MPPED2: variants seen among roughly 807,000 people sequenced by gnomAD.
MPPED2 encodes the protein metallophosphoesterase domain containing 2.
A neutral mutation model predicts 33.0 loss-of-function variants in MPPED2; 5 were observed. The observed-to-expected ratio is 0.15, with a 90% CI of 0.08 to 0.32. The LOEUF (loss-of-function observed/expected upper bound fraction) is 0.32. Among genes scored for constraint, MPPED2 ranks in the 10% least tolerant of loss-of-function variants. The pLI, the probability that MPPED2 is intolerant of heterozygous loss-of-function variation, is 1.00. For synonymous variants in MPPED2, 136 were observed against 141.9 expected (o/e 0.96, Z 0.29); for missense variants, 275 against 372.1 (o/e 0.74, Z 2.15).
intron 1 of MPPED2, among the ~76,000 whole-genome samples, chr11:30,585,563 A>C (rs2134981033): frequency 6.6e-6 from 1 of 152,126 alleles, no homozygotes; most frequent in African/African-American, 2.4e-5. Flanking sequence ...TCTAGTAAAC[A>C]GCTCGCTGAG....
intron 4 of MPPED2, among the ~76,000 whole-genome samples, chr11:30,486,823 T>C (rs1951763971): frequency 6.6e-6 from 1 of 152,236 alleles, no homozygotes; most frequent in South Asian, 2.1e-4. Flanking sequence ...GGACATCATT[T>C]AGGGCTTTGC....
chr11:30,486,285 A>C (rs1203211091), intron 4 of MPPED2, among the ~76,000 whole-genome samples: 2 of 152,198 alleles, frequency 1.3e-5, no homozygotes, highest in Non-Finnish European at 2.9e-5. Context: ...GACCTGGAGA[A>C]GTTCACTCTT....
At chr11:30,568,371 T>C (rs887320550) in intron 2 of MPPED2, among the ~76,000 whole-genome samples, 5 of 152,194 alleles carry the variant, frequency 3.3e-5, no homozygotes, top group African/African-American at 9.7e-5. Flanking sequence ...ACCTTCATTC[T>C]TTCCCTCTCT....
At chr11:30,580,893 G>A (rs926434893) in intron 1 of MPPED2, among the ~76,000 whole-genome samples, 19 of 152,166 alleles carry the variant, frequency 1.2e-4, no homozygotes, top group African/African-American at 3.1e-4. Flanking sequence ...TTGGTGTCAC[G>A]TAATCATTTG....
intron 4 of MPPED2, among the ~76,000 whole-genome samples, chr11:30,491,367 T>G (rs572254664): frequency 1.3e-5 from 2 of 152,230 alleles, no homozygotes; most frequent in South Asian, 4.2e-4. Context: ...AATGAAGAAG[T>G]TAAGGGACTT....
intron 4 of MPPED2, among the ~76,000 whole-genome samples, chr11:30,461,603 G>A (rs1285916841): frequency 6.6e-6 from 1 of 152,064 alleles, no homozygotes; most frequent in African/African-American, 2.4e-5. Context: ...TGTCAGGCCT[G>A]TTGCAGGATA....
chr11:30,506,747 C>T (rs1280460252), intron 3 of MPPED2, among the ~76,000 whole-genome samples: 1 of 152,146 alleles, frequency 6.6e-6, no homozygotes, highest in African/African-American at 2.4e-5. Flanking sequence ...TTTTAAATTC[C>T]TCCCCTCCTT....
chr11:30,404,366 G>A (rs1947956196), intron 6 of MPPED2, among the ~76,000 whole-genome samples: 1 of 152,228 alleles, frequency 6.6e-6, no homozygotes, highest in African/African-American at 2.4e-5. Flanking sequence ...GATGGATGGA[G>A]ACATTATGGT....
At chr11:30,443,561 G>T (rs1290115311) in intron 4 of MPPED2, among the ~76,000 whole-genome samples, 2 of 152,104 alleles carry the variant, frequency 1.3e-5, no homozygotes, top group Non-Finnish European at 2.9e-5. Context: ...GCAGACAAGT[G>T]ATAGACTAAA....
intron 3 of MPPED2, among the ~76,000 whole-genome samples, chr11:30,499,119 T>A (rs1952437167): frequency 6.6e-6 from 1 of 152,164 alleles, no homozygotes; most frequent in Admixed American, 6.5e-5. Context: ...GGTTCCTCTC[T>A]AGCTCCCAGG....
chr11:30,521,425 C>G (rs180964429), intron 3 of MPPED2, among the ~76,000 whole-genome samples: 180 of 152,302 alleles, frequency 1.2e-3, no homozygotes, highest in Admixed American at 5.0e-3. Context: ...CAAGTTTCCA[C>G]AAGGACTAAC....
At chr11:30,582,051 A>G (rs1957191247) in intron 1 of MPPED2, among the ~76,000 whole-genome samples, 1 of 152,190 alleles carries the variant, frequency 6.6e-6, no homozygotes, top group Non-Finnish European at 1.5e-5. Context: ...ACAAATCATA[A>G]TGTAGCAGTT....
At chr11:30,403,550 G>A (rs1334943330) in intron 6 of MPPED2, among the ~76,000 whole-genome samples, 2 of 152,212 alleles carry the variant, frequency 1.3e-5, no homozygotes, top group Non-Finnish European at 1.5e-5. Flanking sequence ...GGCAAATATA[G>A]TATTTCAAAC....
At chr11:30,458,171 T>C (rs575155440) in intron 4 of MPPED2, among the ~76,000 whole-genome samples, 1 of 152,304 alleles carries the variant, frequency 6.6e-6, no homozygotes, top group South Asian at 2.1e-4. Flanking sequence ...AGGGCCTTTC[T>C]AGTTCTATGC....
At chr11:30,539,761 T>C (rs1192287650) in intron 2 of MPPED2, among the ~76,000 whole-genome samples, 1 of 152,068 alleles carries the variant, frequency 6.6e-6, no homozygotes, top group Non-Finnish European at 1.5e-5. Context: ...GCTGGGGTTA[T>C]GGGCACAGGC....
At chr11:30,490,910 G>A (rs951356686) in intron 4 of MPPED2, among the ~76,000 whole-genome samples, 5 of 152,094 alleles carry the variant, frequency 3.3e-5, no homozygotes, top group East Asian at 1.9e-4. Flanking sequence ...GTCTGATGGC[G>A]ATTACTTTTG....
chr11:30,522,119 GT>G (rs1333112572), intron 3 of MPPED2, among the ~76,000 whole-genome samples: 1 of 151,948 alleles, frequency 6.6e-6, no homozygotes, highest in African/African-American at 2.4e-5. Flanking sequence ...TTTGGTTTGA[GT>G]TTTAAAACTG....
intron 4 of MPPED2, chr11:30,452,029 G>T: frequency 1.0e-6 from 1 of 985,374 alleles, no homozygotes; most frequent in Non-Finnish European, 1.2e-6. Context: ...TTCTCATTTT[G>T]CCCTTTTTGT....
At chr11:30,437,913 T>C (rs1949394180) in intron 4 of MPPED2, among the ~76,000 whole-genome samples, 1 of 152,106 alleles carries the variant, frequency 6.6e-6, no homozygotes, top group African/African-American at 2.4e-5. Flanking sequence ...AGTAACAGCA[T>C]AGACTCTGGA....
Sources: gnomAD v4.1 joint callset for allele counts (sites outside exome capture counted in the v4.1 genomes callset) on GRCh38, gnomAD v4.1.1 for gene constraint, MANE v1.5 for transcripts, NCBI Gene and HGNC (gene_info 2026-07-23, HGNC 2026-07-21) for gene names.